The following RABGAP1 variants were observed in gnomAD, a reference collection of about 807,000 sequenced individuals.
The protein encoded by RABGAP1 is RAB GTPase activating protein 1.
RABGAP1 carries 23 observed loss-of-function variants against 137.6 expected under a neutral mutation model. The ratio of observed to expected loss-of-function variants is 0.17; its 90% confidence interval spans 0.12 to 0.24. RABGAP1 has a LOEUF of 0.24. Among genes scored for constraint, RABGAP1 ranks in the 10% least tolerant of loss-of-function variants. The pLI is 1.00. For missense variants in RABGAP1, 906 were observed against 1,275.8 expected, an observed-to-expected ratio of 0.71 and a Z score of 4.42; for synonymous variants, 451 against 450.7, an observed-to-expected ratio of 1.00 and a Z score of -0.01.
intron 13 of RABGAP1, 35 bp downstream of exon 13, chr9:123,020,494 C>A: frequency 3.4e-6 from 5 of 1,455,168 alleles, no homozygotes; most frequent in South Asian, 1.6e-5. Flanking sequence ...AGCATTAATC[C>A]TTTTAGAGAT....
At chr9:122,996,968 C>A in intron 8 of RABGAP1, 1 of 543,390 alleles carries the variant, frequency 1.8e-6, no homozygotes, top group South Asian at 1.7e-5. Context: ...TCTTTATTTT[C>A]AAAACTAAAA....
At chr9:123,065,649 A>G in intron 14 of RABGAP1, 188 bp downstream of exon 14, 1 of 544,248 alleles carries the variant, frequency 1.8e-6, no homozygotes, top group East Asian at 3.4e-5. Flanking sequence ...ATAATAAGAA[A>G]TAAAATGGTA....
chr9:122,985,013 T>G (rs1010540603), intron 3 of RABGAP1, among the ~76,000 whole-genome samples: 2 of 152,032 alleles, frequency 1.3e-5, no homozygotes, highest in Non-Finnish European at 2.9e-5. Context: ...GCTTAAAGAT[T>G]TTTCAAATAA....
At chr9:123,043,907 T>C (rs1216605387) in intron 13 of RABGAP1, among the ~76,000 whole-genome samples, 1 of 149,300 alleles carries the variant, frequency 6.7e-6, no homozygotes, top group African/African-American at 2.5e-5. Context: ...TTTCTTTTTT[T>C]TTTTTTTTTT....
At chr9:122,989,192 T>TA (rs1836533205) in intron 4 of RABGAP1, 105 bp from the exon 5 acceptor site, 1 of 1,048,362 alleles carries the variant, frequency 9.5e-7, no homozygotes, top group Non-Finnish European at 1.4e-6. Context: ...GCATACCAAA[T>TA]ATATGATCTT....
intron 19 of RABGAP1, among the ~76,000 whole-genome samples, chr9:123,080,332 C>T (rs1302892951): frequency 6.6e-6 from 1 of 152,126 alleles, no homozygotes; most frequent in African/African-American, 2.4e-5. Context: ...TGGATGTTTC[C>T]CCCTATTTGC....
intron 2 of RABGAP1, among the ~76,000 whole-genome samples, chr9:122,958,552 G>C (rs1834667900): frequency 6.6e-6 from 1 of 152,030 alleles, no homozygotes; most frequent in African/African-American, 2.4e-5. Flanking sequence ...TGGGGTGGGG[G>C]GAGCAGGGAG....
At chr9:122,993,525 G>A (rs951816923) in intron 6 of RABGAP1, among the ~76,000 whole-genome samples, 17 of 152,186 alleles carry the variant, frequency 1.1e-4, no homozygotes, top group Non-Finnish European at 2.1e-4. Flanking sequence ...ACCTGCCTCA[G>A]CCTCCCAAAT....
intron 2 of RABGAP1, among the ~76,000 whole-genome samples, chr9:122,968,771 C>T (rs1486208442): frequency 6.6e-6 from 1 of 151,970 alleles, no homozygotes. Flanking sequence ...TGTGCCACCA[C>T]ACCTGGCTAA....
chr9:123,020,494 C>T (rs2131927609), intron 13 of RABGAP1, 35 bp downstream of exon 13: 3 of 1,455,170 alleles, frequency 2.1e-6, no homozygotes, highest in East Asian at 2.5e-5. Flanking sequence ...AGCATTAATC[C>T]TTTTAGAGAT....
intron 13 of RABGAP1, among the ~76,000 whole-genome samples, chr9:123,037,225 C>A (rs896961744): frequency 1.3e-5 from 2 of 152,166 alleles, no homozygotes; most frequent in Non-Finnish European, 2.9e-5. Context: ...CTTTGGTTTT[C>A]CATCATGATG....
intron 19 of RABGAP1, among the ~76,000 whole-genome samples, chr9:123,084,020 G>A (rs2034792985): frequency 6.6e-6 from 1 of 152,162 alleles, no homozygotes; most frequent in Admixed American, 6.5e-5. Context: ...TGCTGGCATT[G>A]CCACTTAACA....
intron 2 of RABGAP1, among the ~76,000 whole-genome samples, chr9:122,969,896 C>T (rs1489050977): frequency 6.6e-6 from 1 of 151,848 alleles, no homozygotes; most frequent in African/African-American, 2.4e-5. Flanking sequence ...CCAAGGCTCT[C>T]GAGTTTTGTT....
intron 5 of RABGAP1, 161 bp from the exon 6 acceptor site, chr9:122,989,895 G>A (rs546468385): frequency 6.8e-6 from 5 of 733,224 alleles, no homozygotes; most frequent in Middle Eastern, 3.3e-4. Context: ...GACATTTTTA[G>A]TGTTGCTTGC....
chr9:122,931,695 G>A, the RABGAP1 span, among the ~76,000 whole-genome samples: 5 of 152,328 alleles, frequency 3.3e-5, no homozygotes, highest in Admixed American at 1.3e-4. Flanking sequence ...CCGTACTCTG[G>A]GCACTAGCTT....
chr9:123,035,576 C>T (rs1410319605), intron 13 of RABGAP1: 1 of 1,603,880 alleles, frequency 6.2e-7, no homozygotes. Flanking sequence ...GACCCTTACA[C>T]AGTTAGAAGC....
At chr9:122,978,429 A>G (rs1264291928) in intron 2 of RABGAP1, among the ~76,000 whole-genome samples, 2 of 152,212 alleles carry the variant, frequency 1.3e-5, no homozygotes, top group East Asian at 3.8e-4. Flanking sequence ...TCACCAGTGA[A>G]TAAACATTTG....
intron 1 of RABGAP1, among the ~76,000 whole-genome samples, chr9:122,954,889 A>T (rs1834427982): frequency 6.6e-6 from 1 of 152,190 alleles, no homozygotes; most frequent in African/African-American, 2.4e-5. Context: ...TCTAAGACTT[A>T]ATTTCCTCAT....
intron 2 of RABGAP1, among the ~76,000 whole-genome samples, chr9:122,960,124 G>C (rs1318662172): frequency 2.0e-5 from 3 of 152,190 alleles, no homozygotes; most frequent in Non-Finnish European, 4.4e-5. Context: ...AGATTGATGG[G>C]ACATTTAGGC....
Sources: gnomAD v4.1 joint callset for allele counts (sites outside exome capture counted in the v4.1 genomes callset) on GRCh38, gnomAD v4.1.1 for gene constraint, MANE v1.5 for transcripts, NCBI Gene and HGNC (gene_info 2026-07-23, HGNC 2026-07-21) for gene names.